Variants in CADPS observed in about 807,000 individuals in gnomAD.
CADPS encodes the protein calcium dependent secretion activator.
A neutral mutation model predicts 167.3 loss-of-function variants in CADPS; 57 were observed. The observed-to-expected ratio is 0.34, with a 90% confidence interval of 0.28 to 0.42. The LOEUF is 0.42. Ranked by LOEUF, CADPS falls within the 20% of genes least tolerant of loss-of-function variation. The pLI is 1.00. For missense variants in CADPS, 1,414 were observed against 1,738.1 expected (o/e 0.81, Z 3.32); for synonymous variants, 676 against 635.3 (o/e 1.06, Z -0.96).
At chr3:62,690,429 A>G (rs1384226383) in intron 3 of CADPS, among the ~76,000 whole-genome samples, 1 of 152,038 alleles carries the variant, frequency 6.6e-6, no homozygotes, top group Non-Finnish European at 1.5e-5. Context: ...CTTTTTCAGC[A>G]TTAGAGATCA....
chr3:62,580,597 A>T (rs1407332368), intron 8 of CADPS, among the ~76,000 whole-genome samples: 2 of 142,094 alleles, frequency 1.4e-5, no homozygotes, highest in East Asian at 2.2e-4. Flanking sequence ...AAAAAAAATA[A>T]AAAAAAAAAG....
At chr3:62,485,561 C>T (rs1397758544) in intron 21 of CADPS, among the ~76,000 whole-genome samples, 1 of 142,576 alleles carries the variant, frequency 7.0e-6, no homozygotes, top group East Asian at 2.5e-4. Flanking sequence ...ATAATTTTGA[C>T]ATTTCATAAA....
intron 27 of CADPS, among the ~76,000 whole-genome samples, chr3:62,444,629 A>T (rs910726641): frequency 3.3e-5 from 5 of 152,212 alleles, no homozygotes; most frequent in Non-Finnish European, 5.9e-5. Context: ...AGGTTTGTGG[A>T]TAGGAAGTAT....
intron 3 of CADPS, among the ~76,000 whole-genome samples, chr3:62,734,138 G>C (rs2078502408): frequency 6.6e-6 from 1 of 152,170 alleles, no homozygotes; most frequent in East Asian, 1.9e-4. Flanking sequence ...ACTCCTAAAA[G>C]GGCGAGCTTT....
chr3:62,678,846 A>AC (rs1323296131), intron 3 of CADPS, among the ~76,000 whole-genome samples: 2 of 140,676 alleles, frequency 1.4e-5, no homozygotes, highest in Non-Finnish European at 3.1e-5. Flanking sequence ...TCCAGGGCTT[A>AC]TTAAAAGGTG....
At chr3:62,873,822 A>G (rs2083109191) in intron 1 of CADPS, among the ~76,000 whole-genome samples, 1 of 152,074 alleles carries the variant, frequency 6.6e-6, no homozygotes, top group Admixed American at 6.6e-5. Context: ...AATAGGGTCA[A>G]AGACAGGACG....
chr3:62,564,168 A>AT (rs1408848147), intron 9 of CADPS, among the ~76,000 whole-genome samples: 2 of 151,862 alleles, frequency 1.3e-5, no homozygotes, highest in African/African-American at 2.4e-5. Context: ...CGCTTGCCTA[A>AT]TTTTTTGTAT....
chr3:62,493,359 C>A (rs1027569491), intron 19 of CADPS, among the ~76,000 whole-genome samples: 1 of 152,054 alleles, frequency 6.6e-6, no homozygotes, highest in African/African-American at 2.4e-5. Flanking sequence ...TCAAAGAGAG[C>A]AGAAAAACAA....
At chr3:62,826,885 G>A (rs522278) in intron 1 of CADPS, among the ~76,000 whole-genome samples, 20,639 of 152,100 alleles carry the variant, frequency 0.14, 3,851 homozygotes, top group African/African-American at 0.42. Context: ...CAGGTTGTGG[G>A]GAAAAGATCT....
chr3:62,577,022 G>A (rs1325193445), intron 8 of CADPS, among the ~76,000 whole-genome samples: 1 of 151,826 alleles, frequency 6.6e-6, no homozygotes, highest in African/African-American at 2.4e-5. Flanking sequence ...TTATATGAGA[G>A]ACCAGAGTGA....
At chr3:62,402,922 T>G (rs1706943411) in intron 29 of CADPS, among the ~76,000 whole-genome samples, 159 bp downstream of exon 29, 1 of 152,248 alleles carries the variant, frequency 6.6e-6, no homozygotes, top group Non-Finnish European at 1.5e-5. Context: ...AGTAACACAT[T>G]TATCATGCAT....
chr3:62,570,431 T>A (rs556079701), intron 9 of CADPS, among the ~76,000 whole-genome samples: 2 of 152,292 alleles, frequency 1.3e-5, no homozygotes, highest in South Asian at 4.1e-4. Context: ...ACTTTACTCA[T>A]AATGCCTATC....
chr3:62,531,096 T>C (rs1358982770), intron 13 of CADPS, among the ~76,000 whole-genome samples: 1 of 152,146 alleles, frequency 6.6e-6, no homozygotes, highest in Non-Finnish European at 1.5e-5. Flanking sequence ...ATCCAGACAA[T>C]GTGTATCATA....
intron 1 of CADPS, among the ~76,000 whole-genome samples, chr3:62,838,275 G>A (rs2076180673): frequency 6.6e-6 from 1 of 152,168 alleles, no homozygotes; most frequent in South Asian, 2.1e-4. Context: ...GATTTGACAG[G>A]TGGGCTACAC....
At chr3:62,832,629 C>A (rs1271849463) in intron 1 of CADPS, among the ~76,000 whole-genome samples, 1 of 152,196 alleles carries the variant, frequency 6.6e-6, no homozygotes, top group Non-Finnish European at 1.5e-5. Flanking sequence ...GACTAAGAAA[C>A]GGAGAGCAGA....
chr3:62,738,669 T>G (rs1013182649), intron 3 of CADPS, among the ~76,000 whole-genome samples: 1 of 152,116 alleles, frequency 6.6e-6, no homozygotes, highest in African/African-American at 2.4e-5. Flanking sequence ...GAGGTTGCAG[T>G]GAGCCAAGAT....
chr3:62,599,547 T>G (rs1441902014), intron 6 of CADPS, among the ~76,000 whole-genome samples: 1 of 105,400 alleles, frequency 9.5e-6, no homozygotes, highest in African/African-American at 3.9e-5. Context: ...ATATTATATA[T>G]AATATAAATT....
At chr3:62,826,762 G>T (rs888038210) in intron 1 of CADPS, among the ~76,000 whole-genome samples, 7 of 152,058 alleles carry the variant, frequency 4.6e-5, no homozygotes, top group African/African-American at 1.7e-4. Flanking sequence ...CCTTGCTCTG[G>T]TAATTAGTGG....
intron 28 of CADPS, among the ~76,000 whole-genome samples, chr3:62,428,869 A>T (rs557056755): frequency 6.6e-6 from 1 of 152,316 alleles, no homozygotes; most frequent in South Asian, 2.1e-4. Context: ...ACTGGTGTCT[A>T]GAGTAGAAAC....
Sources: allele counts gnomAD v4.1 joint callset (sites outside exome capture counted in the v4.1 genomes callset), GRCh38; gene constraint gnomAD v4.1.1; transcripts MANE v1.5; gene names NCBI Gene and HGNC (gene_info 2026-07-23, HGNC 2026-07-21).